CADM1: variants seen among roughly 807,000 people sequenced by gnomAD.
CADM1 encodes TSLC-1.
In CADM1, 15 loss-of-function variants were observed where a neutral mutation model predicts 53.1. The ratio of observed to expected loss-of-function variants is 0.28; its 90% CI spans 0.19 to 0.44. The LOEUF (loss-of-function observed/expected upper bound fraction) is 0.44. CADM1 is among the 20% of genes least tolerant of loss of function. CADM1 has a pLI of 1.00. For synonymous variants in CADM1, 281 were observed against 243.0 expected, an observed-to-expected ratio of 1.16 and a Z score of -1.45; for missense variants, 434 against 611.3, an observed-to-expected ratio of 0.71 and a Z score of 3.06.
chr11:115,213,098 C>G (rs928473228), intron 7 of CADM1, among the ~76,000 whole-genome samples: 7 of 152,182 alleles, frequency 4.6e-5, no homozygotes, highest in African/African-American at 1.7e-4. Flanking sequence ...CTTTTTATAA[C>G]CTGCAGTTTG....
intron 3 of CADM1, among the ~76,000 whole-genome samples, chr11:115,234,430 T>C (rs954655819): frequency 2.0e-5 from 3 of 152,164 alleles, no homozygotes; most frequent in Non-Finnish European, 4.4e-5. Context: ...CCCATCTGGA[T>C]TATTTGTTGT....
intron 1 of CADM1, among the ~76,000 whole-genome samples, chr11:115,488,189 G>A (rs1473200868): frequency 6.6e-6 from 1 of 152,154 alleles, no homozygotes; most frequent in Admixed American, 6.5e-5. Context: ...ATAGAGCTAT[G>A]TAGCTACAAG....
intron 1 of CADM1, among the ~76,000 whole-genome samples, chr11:115,319,177 G>A (rs1185239189): frequency 6.6e-6 from 1 of 152,050 alleles, no homozygotes; most frequent in Non-Finnish European, 1.5e-5. Context: ...AGCTGTGCCT[G>A]GTAAAGATAA....
At chr11:115,358,258 A>G (rs1336824339) in intron 1 of CADM1, among the ~76,000 whole-genome samples, 1 of 152,140 alleles carries the variant, frequency 6.6e-6, no homozygotes, top group Non-Finnish European at 1.5e-5. Context: ...GTATAGAAAA[A>G]GATTCATAAA....
chr11:115,190,720 CA>C (rs1470418963), intron 10 of CADM1, 167 bp downstream of exon 10: 8 of 577,564 alleles, frequency 1.4e-5, no homozygotes, highest in Admixed American at 3.1e-5. Flanking sequence ...ACAGAGAAAA[CA>C]GGTGAGTGGG....
chr11:115,284,096 C>CTT (rs1262485057), intron 1 of CADM1, among the ~76,000 whole-genome samples: 2 of 129,332 alleles, frequency 1.5e-5, no homozygotes, highest in African/African-American at 6.4e-5. Flanking sequence ...CACTCTCTCT[C>CTT]TCTCTCTCTC....
chr11:115,412,230 G>T (rs1352014049), intron 1 of CADM1, among the ~76,000 whole-genome samples: 1 of 152,106 alleles, frequency 6.6e-6, no homozygotes, highest in Non-Finnish European at 1.5e-5. Context: ...ATTTCACTCT[G>T]TTGCCCAGGT....
chr11:115,361,797 C>T (rs1054467706), intron 1 of CADM1, among the ~76,000 whole-genome samples: 1 of 151,916 alleles, frequency 6.6e-6, no homozygotes, highest in Non-Finnish European at 1.5e-5. Flanking sequence ...CACAATCATG[C>T]CTTATTGCAG....
rs1361161855 is a variant in CADM1, at chr11:115,174,009, T to C, written c.*2465A>G. The C allele has an allele frequency of 1.0e-6, 1 of 963,516 alleles. No homozygotes were observed. The highest frequency in any genetic ancestry group is 1.1e-4 in the East Asian group (1 of 8,720). The allele number at this position is 963,516 out of a possible 1,614,324, so 59.7% of individuals were successfully genotyped here. On this transcript the variant is annotated 3_prime_UTR_variant, in exon 12 of 12. Transcript: ENST00000331581. ...AGTGCACTGTATACTTAAGAAAAAA[T>C]ACATAAACCAATATACAACTAAAAT...
chr11:115,239,645 G>T (rs1292705732), intron 2 of CADM1, among the ~76,000 whole-genome samples: 1 of 151,888 alleles, frequency 6.6e-6, no homozygotes, highest in African/African-American at 2.4e-5. Context: ...GGAGGAAGGG[G>T]ACAAGCAGCT....
chr11:115,199,852 G>A (rs531987541), intron 8 of CADM1, among the ~76,000 whole-genome samples: 7 of 152,204 alleles, frequency 4.6e-5, no homozygotes, highest in Non-Finnish European at 8.8e-5. Flanking sequence ...CAGCTATTTA[G>A]CTGGCAATTG....
At chr11:115,446,877 C>T (rs892004241) in intron 1 of CADM1, among the ~76,000 whole-genome samples, 1 of 152,150 alleles carries the variant, frequency 6.6e-6, no homozygotes, top group African/African-American at 2.4e-5. Context: ...TCATCGTCTG[C>T]CCCTACCCTC....
chr11:115,313,076 G>C (rs1944573160), intron 1 of CADM1, among the ~76,000 whole-genome samples: 1 of 151,910 alleles, frequency 6.6e-6, no homozygotes, highest in Admixed American at 6.6e-5. Context: ...GTCACCTCAA[G>C]AATTGCTTCT....
intron 7 of CADM1, among the ~76,000 whole-genome samples, chr11:115,211,292 G>T (rs1163827707): frequency 6.6e-6 from 1 of 151,874 alleles, no homozygotes; most frequent in Admixed American, 6.6e-5. Flanking sequence ...TGACCCCTGA[G>T]CCCAGCACTA....
intron 1 of CADM1, among the ~76,000 whole-genome samples, chr11:115,325,087 T>G: frequency 6.6e-6 from 1 of 152,132 alleles, no homozygotes; most frequent in East Asian, 1.9e-4. Context: ...AAAGGCAAAA[T>G]AGCATTTTAA....
chr11:115,410,305 G>T (rs1303910357), intron 1 of CADM1, among the ~76,000 whole-genome samples: 1 of 152,196 alleles, frequency 6.6e-6, no homozygotes. Flanking sequence ...GTGGGTAAAG[G>T]ACACATCGGA....
At chr11:115,393,580 A>G (rs967291560) in intron 1 of CADM1, among the ~76,000 whole-genome samples, 5 of 151,378 alleles carry the variant, frequency 3.3e-5, no homozygotes, top group African/African-American at 4.8e-5. Flanking sequence ...ACATAGAGGT[A>G]GCATTTTTTA....
intron 3 of CADM1, among the ~76,000 whole-genome samples, chr11:115,232,551 T>C (rs1442469908): frequency 6.6e-6 from 1 of 152,210 alleles, no homozygotes; most frequent in African/African-American, 2.4e-5. Flanking sequence ...ACCACCCTTC[T>C]GTAAGCATAT....
At chr11:115,463,877 G>A (rs1948844162) in intron 1 of CADM1, among the ~76,000 whole-genome samples, 1 of 130,868 alleles carries the variant, frequency 7.6e-6, no homozygotes, top group African/African-American at 2.8e-5. Flanking sequence ...CGGGGGCGGG[G>A]TGCAGCCAAA....
Sources: gnomAD v4.1 joint callset for allele counts (sites outside exome capture counted in the v4.1 genomes callset) on GRCh38, gnomAD v4.1.1 for gene constraint, MANE v1.5 for transcripts, NCBI Gene and HGNC (gene_info 2026-07-23, HGNC 2026-07-21) for gene names.